MAPT: variants seen among roughly 807,000 people sequenced by gnomAD.
The protein encoded by MAPT is microtubule associated protein tau.
A neutral mutation model predicts 67.9 loss-of-function variants in MAPT; 34 were observed. The ratio of observed to expected loss-of-function variants is 0.50; its 90% CI spans 0.38 to 0.67. The LOEUF (loss-of-function observed/expected upper bound fraction) is 0.67. Among genes scored for constraint, MAPT ranks in the 30% least tolerant of loss-of-function variants. The pLI is 0.00. For synonymous variants in MAPT, 456 were observed against 464.5 expected (o/e 0.98, Z 0.23); for missense variants, 881 against 1,115.2 (o/e 0.79, Z 2.99).
intron 1 of MAPT, among the ~76,000 whole-genome samples, chr17:45,917,353 C>T (rs932485925): frequency 6.6e-6 from 1 of 152,202 alleles, no homozygotes; most frequent in South Asian, 2.1e-4. Context: ...AGGACTTGCC[C>T]TCAAGGAGAA....
chr17:46,010,368 A>G lies in MAPT; in HGVS notation c.2057A>G (p.Lys686Arg). 1.3e-6 allele frequency: 2 copies of G among 1,583,486 alleles called. No individual in the cohort carries two copies. The highest frequency in any genetic ancestry group is 1.7e-6 in the Non-Finnish European group (2 of 1,163,756). Residue 686 changes from lysine to arginine, a missense_variant, in exon 10 of 13, where the codon AAG becomes AGG. Around this residue, in one of 6 missense-constraint regions of MAPT, gnomAD observed 34 missense variants for 51.2 expected, o/e 0.66. Coordinates refer to ENST00000262410, the MANE Select transcript of MAPT (RefSeq NM_001377265.1). This position sits in a 1 kb window ranked among gnomAD's most constrained non-coding sequence, Gnocchi z 4.7. Reference sequence around the variant, plus strand: ...AACGTCCAGTCCAAGTGTGGCTCAAAGGATAATATCAAACACGTCCCGGGA... The same window carrying G: ...AACGTCCAGTCCAAGTGTGGCTCAAGGGATAATATCAAACACGTCCCGGGA... ...LSNVQSKCGS[K>R]DNIKHVPGGG...
chr17:45,998,992 A>T (rs924564027), intron 9 of MAPT, among the ~76,000 whole-genome samples: 1 of 152,120 alleles, frequency 6.6e-6, no homozygotes, highest in African/African-American at 2.4e-5. Context: ...CTCAAGTCAC[A>T]TAACAAGCAG....
intron 9 of MAPT, among the ~76,000 whole-genome samples, chr17:46,008,575 G>A (rs745728745): frequency 3.3e-5 from 5 of 152,044 alleles, no homozygotes; most frequent in Admixed American, 6.5e-5. Context: ...TTTTAAAATC[G>A]TTATATTTTC....
chr17:46,009,548 G>A (rs2075679963), intron 9 of MAPT, among the ~76,000 whole-genome samples: 1 of 151,438 alleles, frequency 6.6e-6, no homozygotes, highest in Non-Finnish European at 1.5e-5. Flanking sequence ...TACGCACCTA[G>A]TGGCATTGTG....
chr17:45,984,049 C>T (rs965953167), intron 5 of MAPT, 119 bp downstream of exon 5: 19 of 897,482 alleles, frequency 2.1e-5, no homozygotes, highest in African/African-American at 8.3e-5. Flanking sequence ...GTTCCTAGGA[C>T]GCCACTAAAT....
intron 6 of MAPT, 23 bp downstream of exon 6, chr17:45,987,118 C>T: frequency 1.9e-6 from 3 of 1,612,288 alleles, no homozygotes; most frequent in Non-Finnish European, 2.5e-6. Flanking sequence ...TGCCACGGAG[C>T]TCTGCAGCTG....
chr17:45,992,406 C>G (rs925726715), intron 8 of MAPT, among the ~76,000 whole-genome samples: 1 of 152,212 alleles, frequency 6.6e-6, no homozygotes, highest in Admixed American at 6.5e-5. Flanking sequence ...TGGGTGACGT[C>G]ACTCAGGGCT....
At chr17:45,959,879 AG>A (rs2070192222) in intron 1 of MAPT, among the ~76,000 whole-genome samples, 1 of 152,188 alleles carries the variant, frequency 6.6e-6, no homozygotes, top group Admixed American at 6.5e-5. Context: ...GCTAACTATT[AG>A]GGGATGGTTA....
chr17:45,990,028 G>T lies in MAPT; in HGVS notation c.1558G>T (p.Val520Phe). ...TTCCTCTCCTAAATACGTCTCTTCT[G>T]TCACTTCCCGAACTGGCAGTTCTGG... ...PPSSPKYVSS[V>F]TSRTGSSGAK... Residue 520 changes from valine to phenylalanine, a missense_variant, in exon 7 of 13, where the codon GTC becomes TTC. By Grantham distance (50) the Val-to-Phe change is conservative. This residue lies in a region of MAPT where 687 missense variants were observed against 766.1 expected (regional missense o/e 0.90). Transcript: ENST00000262410. The T allele has an allele frequency of 6.2e-7, 1 of 1,614,130 alleles. No individual in the cohort carries two copies. The highest frequency in any genetic ancestry group is 8.5e-7 in the Non-Finnish European group (1 of 1,180,052).
Position 45,991,556 on chromosome 17 carries a change from C to G in MAPT, c.1702C>G (p.Pro568Ala). 1 of 1,614,174 alleles carries G rather than the reference C, an allele frequency of 6.2e-7. No individual in the cohort carries two copies. Among genetic ancestry groups the G allele is most frequent in the South Asian group, 1.1e-5 (1 of 91,074 alleles). The change falls in exon 8 of 13, where the codon CCG (proline) becomes GCG (alanine). Residue 568 changes from proline (P) to alanine (A), a missense_variant. Pro to Ala is a conservative substitution (Grantham distance 27). Coordinates refer to ENST00000262410, the MANE Select transcript of MAPT (RefSeq NM_001377265.1). ...CGCCACCAGGATTCCAGCAAAAACC[C>G]CGCCCGCTCCAAAGACACCACCCAG... The part of the protein sequence containing the change: ...ANATRIPAKT[P>A]PAPKTPPSSG...
At chr17:45,933,737 C>T (rs907893499) in intron 1 of MAPT, among the ~76,000 whole-genome samples, 1 of 152,054 alleles carries the variant, frequency 6.6e-6, no homozygotes, top group African/African-American at 2.4e-5. Context: ...AAGATTAGGT[C>T]ATCTGCTAGG....
intron 1 of MAPT, among the ~76,000 whole-genome samples, chr17:45,927,404 C>T (rs2066442270): frequency 6.6e-6 from 1 of 152,084 alleles, no homozygotes; most frequent in Admixed American, 6.5e-5. Flanking sequence ...CCAGAGTCAG[C>T]GTTTCAGGTG....
chr17:45,949,782 GT>G (rs2068874586), intron 1 of MAPT, among the ~76,000 whole-genome samples: 1 of 152,144 alleles, frequency 6.6e-6, no homozygotes, highest in Non-Finnish European at 1.5e-5. Context: ...TTACCAAACT[GT>G]ACTGCCTTGA....
chr17:45,920,231 C>A (rs527914670), intron 1 of MAPT, among the ~76,000 whole-genome samples: 1 of 152,354 alleles, frequency 6.6e-6, no homozygotes, highest in Non-Finnish European at 1.5e-5. Context: ...CCCCCGAGCC[C>A]TCTGTCCTCC....
intron 1 of MAPT, among the ~76,000 whole-genome samples, chr17:45,908,910 T>C (rs1245044703): frequency 6.6e-6 from 1 of 152,152 alleles, no homozygotes; most frequent in Non-Finnish European, 1.5e-5. Context: ...GGCAGAGGGA[T>C]CATTTCAGCC....
At chr17:46,008,626 A>G (rs1422084140) in intron 9 of MAPT, among the ~76,000 whole-genome samples, 1 of 152,242 alleles carries the variant, frequency 6.6e-6, no homozygotes, top group Non-Finnish European at 1.5e-5. Flanking sequence ...ATAAAAGATT[A>G]TGAAGAAATG....
At chr17:45,900,481 G>T (rs577997185) in intron 1 of MAPT, among the ~76,000 whole-genome samples, 1 of 152,170 alleles carries the variant, frequency 6.6e-6, no homozygotes, top group Non-Finnish European at 1.5e-5. Context: ...CAACTTCCAT[G>T]TATAGTCCCT....
intron 1 of MAPT, among the ~76,000 whole-genome samples, chr17:45,927,043 T>C (rs1311771615): frequency 6.6e-6 from 1 of 151,330 alleles, no homozygotes; most frequent in Non-Finnish European, 1.5e-5. Context: ...TTTTATATAA[T>C]TATATATGCA....
At chr17:45,939,797 T>C (rs2067695324) in intron 1 of MAPT, among the ~76,000 whole-genome samples, 1 of 152,222 alleles carries the variant, frequency 6.6e-6, no homozygotes, top group African/African-American at 2.4e-5. Context: ...GGGCTACGTC[T>C]GAGGAGAACC....
Sources: allele counts gnomAD v4.1 joint callset (sites outside exome capture counted in the v4.1 genomes callset), GRCh38; gene constraint gnomAD v4.1.1; regional missense constraint gnomAD v4.1.1; non-coding constraint Gnocchi (gnomAD v3.1); transcripts MANE v1.5; gene names NCBI Gene and HGNC (gene_info 2026-07-23, HGNC 2026-07-21).